The following DISP1 variants were observed in gnomAD, a reference collection of about 807,000 sequenced individuals.
The protein encoded by DISP1 is dispatched RND transporter family member 1.
Under a neutral mutation model 37.3 loss-of-function variants are expected in DISP1, and 30 were observed. That is an observed-to-expected ratio of 0.80 (90% CI 0.60 to 1.09). The LOEUF is 1.09. Ranked by LOEUF, DISP1 falls within the 50% of genes least tolerant of loss-of-function variation. DISP1 has a pLI of 0.00. For missense variants in DISP1, 1,598 were observed against 1,879.5 expected, an observed-to-expected ratio of 0.85 and a Z score of 2.77; for synonymous variants, 634 against 690.2, an observed-to-expected ratio of 0.92 and a Z score of 1.28.
chr1:223,005,572 C>T lies in DISP1; in HGVS notation c.4175C>T (p.Ser1392Leu), dbSNP rs140794097. The change falls in exon 9 of 9, where the codon TCG (serine) becomes TTG (leucine). Residue 1392 changes from serine to leucine, a missense_variant. Coordinates refer to ENST00000675850, the MANE Select transcript of DISP1 (RefSeq NM_001377229.1). ...CATCTTCCAAAGATGGCAGAGCCAT[C>T]GTCATTTGTCTGCAGAAGCACTGGA... ...EEHLPKMAEPSSFVCRSTGSL... is the reference protein window; with the variant it reads ...EEHLPKMAEPLSFVCRSTGSL... 1.0e-4 allele frequency: 163 copies of T among 1,614,008 alleles called. No homozygotes were observed. The highest frequency in any genetic ancestry group is 6.0e-4 in the East Asian group (27 of 44,872).
intron 1 of DISP1, among the ~76,000 whole-genome samples, chr1:222,833,828 C>A (rs2125252205): frequency 6.6e-6 from 1 of 152,306 alleles, no homozygotes; most frequent in South Asian, 2.1e-4. Context: ...ATTTGTGTCA[C>A]AAAATGTAGG....
rs571683384 is a variant in DISP1, at chr1:223,004,007, G to A, written c.2610G>A (p.Leu870=). Residue 870 remains leucine (L), a synonymous_variant, in exon 9 of 9, where the codon CTG becomes CTA. Coordinates refer to ENST00000675850, the MANE Select transcript of DISP1 (RefSeq NM_001377229.1). The surrounding 1 kb of genome is among the most constrained non-coding windows in gnomAD (Gnocchi z 4.9). ...MENQDCDEPA[L]YPCCSHWSFP... is the part of the protein sequence containing the mutation. Reference sequence around the variant, plus strand: ...ACCAGGACTGTGATGAGCCTGCCCTGTACCCATGCTGCAGCCACTGGAGCT... The same window carrying A: ...ACCAGGACTGTGATGAGCCTGCCCTATACCCATGCTGCAGCCACTGGAGCT... The A allele has an allele frequency of 1.2e-6, 2 of 1,614,146 alleles. No homozygotes were observed. The highest frequency in any genetic ancestry group is 2.7e-5 in the African/African-American group (2 of 75,040).
At chr1:222,958,834 T>A (rs1675815674) in intron 3 of DISP1, among the ~76,000 whole-genome samples, 1 of 152,160 alleles carries the variant, frequency 6.6e-6, no homozygotes, top group African/African-American at 2.4e-5. Flanking sequence ...ATATATTTCC[T>A]TTTCTCTCAC....
intron 3 of DISP1, among the ~76,000 whole-genome samples, chr1:222,943,965 G>A (rs550538366): frequency 1.5e-3 from 222 of 151,560 alleles, no homozygotes; most frequent in Non-Finnish European, 2.6e-3. Context: ...GGGAGGTGGA[G>A]GTTGTGGTGA....
intron 1 of DISP1, among the ~76,000 whole-genome samples, chr1:222,829,246 C>A (rs1444865509): frequency 1.3e-5 from 2 of 152,198 alleles, no homozygotes; most frequent in African/African-American, 4.8e-5. Context: ...ATTACTTGCT[C>A]TGTGCATGGG....
At chr1:222,909,492 TACTTGA>T (rs549175665) in intron 1 of DISP1, among the ~76,000 whole-genome samples, 65 of 152,334 alleles carry the variant, frequency 4.3e-4, no homozygotes, top group African/African-American at 1.5e-3. Context: ...TATGCACATT[TACTTGA>T]ACTTATCATG....
chr1:222,868,321 A>G (rs931879515), intron 1 of DISP1, among the ~76,000 whole-genome samples: 1 of 152,014 alleles, frequency 6.6e-6, no homozygotes, highest in Non-Finnish European at 1.5e-5. Flanking sequence ...TATCCAATGA[A>G]AAAAATGAAA....
At chr1:222,963,313 C>T (rs1208567375) in intron 3 of DISP1, among the ~76,000 whole-genome samples, 3 of 152,178 alleles carry the variant, frequency 2.0e-5, no homozygotes, top group East Asian at 3.8e-4. Flanking sequence ...GAACACTTTA[C>T]ACTGTTGGTG....
chr1:222,943,740 C>G (rs780666782), intron 3 of DISP1, among the ~76,000 whole-genome samples: 2 of 152,050 alleles, frequency 1.3e-5, no homozygotes, highest in Non-Finnish European at 2.9e-5. Context: ...GTAAAAAACC[C>G]CTTGCCGGCC....
At chr1:222,947,277 T>G (rs1035860052) in intron 3 of DISP1, among the ~76,000 whole-genome samples, 5 of 152,322 alleles carry the variant, frequency 3.3e-5, no homozygotes, top group Middle Eastern at 3.4e-3. Context: ...GCCTTTTTTT[T>G]GTCTGGCTTA....
chr1:222,946,098 G>A (rs189916510), intron 3 of DISP1, among the ~76,000 whole-genome samples: 17 of 151,940 alleles, frequency 1.1e-4, no homozygotes, highest in Admixed American at 7.2e-4. Flanking sequence ...CCTTGGCCGG[G>A]CGTGGTGGCT....
intron 1 of DISP1, among the ~76,000 whole-genome samples, chr1:222,819,398 A>T (rs34229647): frequency 3.9e-5 from 6 of 152,214 alleles, no homozygotes; most frequent in Non-Finnish European, 8.8e-5. Context: ...ATTTAAAAAC[A>T]GTGAAAATCT....
At position 222,881,225 on chromosome 1, in the gene DISP1, T is replaced by C. The variant is rs190601692; in HGVS notation, c.-158-47205T>C. On this transcript the variant is annotated intron_variant, in intron 1 of 8. Coordinates refer to ENST00000675850, the MANE Select transcript of DISP1 (RefSeq NM_001377229.1). ...TTTTATTTTTTTTGAGACACAGTTT[T>C]GCTCTTGTTGCCCAGGCTGGAAAGC... is the stretch of plus-strand genomic sequence containing the variant. 2.9e-3 allele frequency among the ~76,000 whole-genome samples: 448 copies of C among 152,358 alleles called. 3 individuals carry two copies. Among genetic ancestry groups the C allele is most frequent in the African/African-American group, 0.01 (435 of 41,582 alleles).
chr1:222,823,327 A>T (rs1172519812), intron 1 of DISP1, among the ~76,000 whole-genome samples: 1 of 152,112 alleles, frequency 6.6e-6, no homozygotes, highest in African/African-American at 2.4e-5. Context: ...GTGTACACAC[A>T]ACACACACAC....
intron 1 of DISP1, among the ~76,000 whole-genome samples, chr1:222,861,064 A>G (rs1414025246): frequency 6.6e-6 from 1 of 152,200 alleles, no homozygotes; most frequent in Non-Finnish European, 1.5e-5. Context: ...ATACTTATCA[A>G]TGAACCAGAA....
chr1:222,847,071 C>T (rs765399840), intron 1 of DISP1, among the ~76,000 whole-genome samples: 13 of 152,218 alleles, frequency 8.5e-5, no homozygotes, highest in South Asian at 4.2e-4. Flanking sequence ...GATATTCTGT[C>T]GGTGTTTGTC....
At chr1:222,838,884 G>A (rs906350174) in intron 1 of DISP1, among the ~76,000 whole-genome samples, 8 of 152,018 alleles carry the variant, frequency 5.3e-5, no homozygotes, top group Admixed American at 3.3e-4. Context: ...ATTAATTTTG[G>A]TTTTAAAAAA....
chr1:222,924,586 A>G (rs1428366062), intron 1 of DISP1, among the ~76,000 whole-genome samples: 1 of 152,164 alleles, frequency 6.6e-6, no homozygotes, highest in Non-Finnish European at 1.5e-5. Context: ...TCAAAATCCA[A>G]TATAGAATAT....
intron 3 of DISP1, among the ~76,000 whole-genome samples, chr1:222,982,290 T>C (rs773451317): frequency 6.6e-6 from 1 of 152,256 alleles, no homozygotes; most frequent in Non-Finnish European, 1.5e-5. Context: ...AAGGGAGGTC[T>C]CACAAACCCC....
Sources: allele counts gnomAD v4.1 joint callset (sites outside exome capture counted in the v4.1 genomes callset), GRCh38; gene constraint gnomAD v4.1.1; non-coding constraint Gnocchi (gnomAD v3.1); transcripts MANE v1.5; gene names NCBI Gene and HGNC (gene_info 2026-07-23, HGNC 2026-07-21).